Variants in ZFP64 observed in about 807,000 individuals in gnomAD.
The protein encoded by ZFP64 is ZFP64 zinc finger protein, also known as zinc finger protein 64.
ZFP64 carries 14 observed loss-of-function variants against 51.6 expected under a neutral mutation model. The ratio of observed to expected loss-of-function variants is 0.27; its 90% confidence interval spans 0.18 to 0.42. ZFP64 has a LOEUF of 0.42. Ranked by LOEUF, ZFP64 falls within the 10% of genes least tolerant of loss-of-function variation. The pLI, the probability that ZFP64 is intolerant of heterozygous loss-of-function variation, is 1.00. For synonymous variants in ZFP64, 375 were observed against 361.4 expected, an observed-to-expected ratio of 1.04 and a Z score of -0.43; for missense variants, 754 against 906.8, an observed-to-expected ratio of 0.83 and a Z score of 2.16.
chr20:52,102,651 G>A (rs192979965), intron 5 of ZFP64, among the ~76,000 whole-genome samples: 138 of 152,156 alleles, frequency 9.1e-4, no homozygotes, highest in Admixed American at 2.2e-3. Flanking sequence ...AAATCTAAGT[G>A]AGGCACTGTA....
intron 5 of ZFP64, among the ~76,000 whole-genome samples, chr20:52,103,520 G>C (rs931627126): frequency 1.3e-5 from 2 of 152,168 alleles, no homozygotes; most frequent in African/African-American, 2.4e-5. Context: ...CAGGACGCAC[G>C]ACACCCTCCC....
chr20:52,156,810 C>T (rs963102074), intron 5 of ZFP64, among the ~76,000 whole-genome samples: 2 of 152,078 alleles, frequency 1.3e-5, no homozygotes, highest in South Asian at 2.1e-4. Context: ...GACTGTCACT[C>T]GTGGTAGCTT....
chr20:52,180,166 T>A lies in ZFP64; in HGVS notation c.286+6666A>T, dbSNP rs73270854. On this transcript the variant is annotated intron_variant, in intron 2 of 5. Transcript: ENST00000216923. The stretch of plus-strand genomic sequence containing the variant: ...ATGGCCTACCTGTGGGCCAGCCCAG[T>A]TCCTAGCAACACCAAGACCCAGCTA... 4.4e-3 allele frequency among the ~76,000 whole-genome samples: 671 copies of A among 152,338 alleles called. 3 individuals are homozygous for A. The highest frequency in any genetic ancestry group is 0.024 in the Middle Eastern group (7 of 294).
intron 5 of ZFP64, among the ~76,000 whole-genome samples, chr20:52,135,488 T>G (rs1979924982): frequency 6.6e-6 from 1 of 152,166 alleles, no homozygotes; most frequent in Non-Finnish European, 1.5e-5. Flanking sequence ...AAGATGCTTT[T>G]CTTTTCTTTG....
At chr20:52,182,998 G>C (rs557285726) in intron 2 of ZFP64, among the ~76,000 whole-genome samples, 2 of 152,238 alleles carry the variant, frequency 1.3e-5, no homozygotes, top group South Asian at 4.1e-4. Context: ...AGGGGTCTTT[G>C]AGAAAATGCC....
At chr20:52,115,405 G>A (rs1978811926) in intron 5 of ZFP64, among the ~76,000 whole-genome samples, 1 of 147,984 alleles carries the variant, frequency 6.8e-6, no homozygotes, top group Admixed American at 6.8e-5. Context: ...ATACATGCTC[G>A]CTACAGCTTT....
intron 2 of ZFP64, among the ~76,000 whole-genome samples, chr20:52,169,816 G>GC (rs1245084698): frequency 6.6e-6 from 1 of 152,220 alleles, no homozygotes; most frequent in Non-Finnish European, 1.5e-5. Flanking sequence ...CACTTTGGGA[G>GC]CCCGAGGCAG....
At chr20:52,171,943 G>A (rs1245455999) in intron 2 of ZFP64, among the ~76,000 whole-genome samples, 2 of 149,440 alleles carry the variant, frequency 1.3e-5, no homozygotes, top group African/African-American at 4.9e-5. Context: ...AGATAGAATT[G>A]CACCATGTTG....
chr20:52,154,592 T>A (rs1033160932), intron 5 of ZFP64, among the ~76,000 whole-genome samples: 1 of 152,112 alleles, frequency 6.6e-6, no homozygotes, highest in Non-Finnish European at 1.5e-5. Flanking sequence ...GCTTAATGAA[T>A]GCAAACAAAG....
intron 5 of ZFP64, among the ~76,000 whole-genome samples, chr20:52,133,217 T>A (rs6021724): frequency 0.18 from 27,852 of 152,016 alleles, 2,885 homozygotes; most frequent in East Asian, 0.39. Context: ...AACATAATAA[T>A]AGCCATATAC....
At chr20:52,132,419 A>G (rs904476039) in intron 5 of ZFP64, among the ~76,000 whole-genome samples, 6 of 151,870 alleles carry the variant, frequency 4.0e-5, no homozygotes, top group Non-Finnish European at 5.9e-5. Context: ...GGTCAATGAA[A>G]AAAAGCTGTT....
chr20:52,156,660 T>G (rs924617687), intron 5 of ZFP64, among the ~76,000 whole-genome samples: 1 of 152,176 alleles, frequency 6.6e-6, no homozygotes, highest in African/African-American at 2.4e-5. Context: ...CAACAGACAA[T>G]GGATACAGAT....
chr20:52,088,883 G>A lies in ZFP64; in HGVS notation c.977-240C>T, dbSNP rs147639122. 2.6e-3 allele frequency: 1,730 copies of A among 671,016 alleles called. 9 individuals are homozygous for A. Among genetic ancestry groups the A allele is most frequent in the Non-Finnish European group, 3.8e-3 (1,457 of 378,632 alleles). 41.6% of individuals were successfully genotyped at this position (671,016 alleles called of 1,614,324 possible). On this transcript the variant is annotated intron_variant, in intron 7 of 8. Coordinates refer to the ZFP64 transcript ENST00000361387. ...AATCTGATTGATGGAGAAAATTACA[G>A]GCCAAACCCTGTTTGGGAAAAATGG...
At chr20:52,189,481 CT>C (rs544103939) in intron 1 of ZFP64, among the ~76,000 whole-genome samples, 79 of 144,372 alleles carry the variant, frequency 5.5e-4, no homozygotes, top group East Asian at 6.0e-4. Flanking sequence ...AATTTTTTTC[CT>C]TTTTTTTTTT....
intron 2 of ZFP64, among the ~76,000 whole-genome samples, chr20:52,168,888 G>A (rs1169574393): frequency 6.6e-6 from 1 of 152,196 alleles, no homozygotes; most frequent in African/African-American, 2.4e-5. Flanking sequence ...TGCAGCTGAG[G>A]TAAGAAAAAT....
chr20:52,191,752 A>G lies in ZFP64; in HGVS notation c.-116T>C, dbSNP rs1269589954. The G allele has an allele frequency of 2.3e-6, 3 of 1,278,286 alleles. No homozygotes were observed. The highest frequency in any genetic ancestry group is 1.8e-5 in the South Asian group (1 of 56,770). 79.2% of individuals were successfully genotyped at this position (1,278,286 alleles called of 1,614,324 possible). ...CACACCCCCCACCCTGCCTTCTCCC[A>G]ACTCTGCGAGGCGGGGAGGACGGAT... On this transcript the variant is annotated 5_prime_UTR_variant, in exon 1 of 6. Coordinates refer to ENST00000216923, the MANE Select transcript of ZFP64 (RefSeq NM_018197.3). The surrounding 1 kb of genome is among the most constrained non-coding windows in gnomAD (Gnocchi z 4.3).
At chr20:52,104,856 C>T in intron 5 of ZFP64, 2 of 659,718 alleles carry the variant, frequency 3.0e-6, no homozygotes, top group South Asian at 3.0e-5. Flanking sequence ...GTCCTCTGAG[C>T]ATCCTTCCAG....
At chr20:52,084,416 C>T in exon 9 of ZFP64, 4 of 776,340 alleles carry the variant, frequency 5.2e-6, no homozygotes, top group South Asian at 3.9e-5. Context: ...GCCCAGCCAT[C>T]GCCTCTGAAG....
chr20:52,164,039 A>C (rs2123022712), intron 4 of ZFP64, among the ~76,000 whole-genome samples: 1 of 152,334 alleles, frequency 6.6e-6, no homozygotes, highest in East Asian at 1.9e-4. Context: ...GGCCAGGTGC[A>C]GTGGCTCACA....
Sources: gnomAD v4.1 joint callset for allele counts (sites outside exome capture counted in the v4.1 genomes callset) on GRCh38, gnomAD v4.1.1 for gene constraint, Gnocchi (gnomAD v3.1) non-coding constraint, MANE v1.5 for transcripts, NCBI Gene and HGNC (gene_info 2026-07-23, HGNC 2026-07-21) for gene names.